ASTN2: variants seen among roughly 807,000 people sequenced by gnomAD.
The protein encoded by ASTN2 is astrotactin-2.
In ASTN2, 54 loss-of-function variants were observed where a neutral mutation model predicts 139.8. That is an observed-to-expected ratio of 0.39 (90% CI 0.31 to 0.48). The LOEUF (loss-of-function observed/expected upper bound fraction) is 0.48. Ranked by LOEUF, ASTN2 falls within the 20% of genes least tolerant of loss-of-function variation. The pLI is 0.95. For synonymous variants in ASTN2, 756 were observed against 719.5 expected, an observed-to-expected ratio of 1.05 and a Z score of -0.81; for missense variants, 1,565 against 1,725.1, an observed-to-expected ratio of 0.91 and a Z score of 1.64.
intron 7 of ASTN2, 84 bp downstream of exon 7, chr9:117,008,008 G>T (rs1035232575): frequency 2.2e-6 from 3 of 1,391,920 alleles, no homozygotes; most frequent in Non-Finnish European, 2.8e-6. Context: ...CAGAATCCAT[G>T]GTTCTTTAGG....
At chr9:116,464,093 A>G (rs186439966) in intron 20 of ASTN2, among the ~76,000 whole-genome samples, 12 of 152,144 alleles carry the variant, frequency 7.9e-5, no homozygotes, top group Non-Finnish European at 5.9e-5. Flanking sequence ...GCAGAGGAGT[A>G]TTAAAGATAT....
chr9:116,983,080 A>C (rs1050715142), intron 7 of ASTN2, among the ~76,000 whole-genome samples: 3 of 152,128 alleles, frequency 2.0e-5, no homozygotes, highest in Admixed American at 6.5e-5. Flanking sequence ...CTCAGTCATC[A>C]CTTATCATCA....
intron 1 of ASTN2, among the ~76,000 whole-genome samples, chr9:117,362,921 G>C (rs947922247): frequency 1.9e-4 from 29 of 152,092 alleles, no homozygotes; most frequent in Admixed American, 1.3e-4. Flanking sequence ...AGCCTGCTCT[G>C]CTCCCTAGAA....
At chr9:116,606,766 A>C (rs1379677593) in intron 19 of ASTN2, among the ~76,000 whole-genome samples, 2 of 152,158 alleles carry the variant, frequency 1.3e-5, no homozygotes, top group African/African-American at 4.8e-5. Flanking sequence ...CTGTGCTGGA[A>C]TTAACCCTTA....
intron 10 of ASTN2, among the ~76,000 whole-genome samples, chr9:116,935,871 A>G (rs1191958779): frequency 1.3e-5 from 2 of 152,216 alleles, no homozygotes; most frequent in Admixed American, 6.5e-5. Flanking sequence ...TCAGCCCACT[A>G]AATTTAATCT....
chr9:117,275,300 C>T (rs956854141), intron 2 of ASTN2, among the ~76,000 whole-genome samples: 13 of 152,112 alleles, frequency 8.5e-5, no homozygotes, highest in Non-Finnish European at 1.9e-4. Context: ...ATTTTTTTTA[C>T]AGAAACACCT....
At chr9:117,226,613 G>GT (rs72195176) in intron 2 of ASTN2, among the ~76,000 whole-genome samples, 7 of 146,422 alleles carry the variant, frequency 4.8e-5, no homozygotes, top group African/African-American at 1.7e-4. Context: ...TTGTTTGTTT[G>GT]TTTTTTTAAC....
chr9:116,666,899 C>T (rs1237987525), intron 16 of ASTN2, among the ~76,000 whole-genome samples: 3 of 150,872 alleles, frequency 2.0e-5, no homozygotes, highest in African/African-American at 7.3e-5. Context: ...TAAAAGAACA[C>T]CATATAGACA....
At chr9:116,764,526 G>C (rs1829756249) in intron 13 of ASTN2, among the ~76,000 whole-genome samples, 1 of 152,098 alleles carries the variant, frequency 6.6e-6, no homozygotes, top group African/African-American at 2.4e-5. Flanking sequence ...CTCAGATTCT[G>C]TTTTCTTAGC....
intron 16 of ASTN2, among the ~76,000 whole-genome samples, chr9:116,692,135 CCAA>C (rs1001841602): frequency 3.3e-5 from 5 of 152,138 alleles, no homozygotes; most frequent in Non-Finnish European, 7.3e-5. Context: ...GCCTAAGCCA[CCAA>C]AGGCTGATAT....
intron 19 of ASTN2, among the ~76,000 whole-genome samples, chr9:116,606,179 C>T (rs893011580): frequency 6.6e-6 from 1 of 152,118 alleles, no homozygotes; most frequent in South Asian, 2.1e-4. Flanking sequence ...CCACCCCCCA[C>T]AACAAGCCCC....
At chr9:117,010,513 T>C (rs1050094037) in intron 6 of ASTN2, among the ~76,000 whole-genome samples, 1 of 152,142 alleles carries the variant, frequency 6.6e-6, no homozygotes, top group African/African-American at 2.4e-5. Flanking sequence ...AGGTAAGAGT[T>C]CATATCCTCA....
chr9:116,772,847 A>AG (rs1296613113), intron 13 of ASTN2, among the ~76,000 whole-genome samples: 17 of 152,192 alleles, frequency 1.1e-4, no homozygotes, highest in African/African-American at 4.1e-4. Flanking sequence ...GTCAGAGCTC[A>AG]GGGGGCTTAG....
chr9:116,687,750 A>C (rs1860343245), intron 16 of ASTN2, among the ~76,000 whole-genome samples: 1 of 151,912 alleles, frequency 6.6e-6, no homozygotes, highest in Non-Finnish European at 1.5e-5. Context: ...CTGGGTGCAG[A>C]ATTTCAGAAA....
chr9:116,671,418 A>G (rs2131988504), intron 16 of ASTN2, among the ~76,000 whole-genome samples: 1 of 152,232 alleles, frequency 6.6e-6, no homozygotes, highest in East Asian at 1.9e-4. Context: ...TGGAGATTAG[A>G]GTCAGAATTT....
At chr9:116,498,693 T>A (rs773409302) in intron 19 of ASTN2, among the ~76,000 whole-genome samples, 1 of 152,048 alleles carries the variant, frequency 6.6e-6, no homozygotes, top group Non-Finnish European at 1.5e-5. Flanking sequence ...CAAAACATGA[T>A]GTATATGTCA....
In ASTN2 at chr9:116,789,236, C is replaced by A. The variant is rs542578339; in HGVS notation, c.2396+16396G>T. ...AAGCATCAAAAAGAAAGGGAAGCAG[C>A]CTCAAGGTCACTGGGAACTCAGTAA... On this transcript the variant is annotated intron_variant, in intron 13 of 22. Coordinates refer to ENST00000313400, the MANE Select transcript of ASTN2 (RefSeq NM_001365068.1). 1.3e-3 allele frequency among the ~76,000 whole-genome samples: 201 copies of A among 152,292 alleles called. 1 individual carries two copies. The highest frequency in any genetic ancestry group is 2.0e-3 in the Non-Finnish European group (137 of 68,016).
At position 116,440,640 on chromosome 9, in the gene ASTN2, C is replaced by G; in HGVS notation, c.3751G>C (p.Val1251Leu). Residue 1251 changes from valine to leucine, a missense_variant, in exon 22 of 23, where the codon GTC (valine) becomes CTC (leucine). Physicochemically the swap from Val to Leu is conservative, Grantham distance 32. Around this residue, in one of 4 missense-constraint regions of ASTN2, gnomAD observed 418 missense variants for 465.8 expected, o/e 0.90. Transcript: ENST00000313400. ...NSHYEKFGDFVWRSEDELGPR... is the reference protein window; with the variant it reads ...NSHYEKFGDFLWRSEDELGPR... ...CCCAGCTCATCCTCACTTCTCCAGA[C>G]GAAGTCGCCAAACTTTTCATAGTGA... 6.2e-7 allele frequency: 1 copy of G among 1,613,904 alleles called. No individual in the cohort carries two copies. Among genetic ancestry groups the G allele is most frequent in the South Asian group, 1.1e-5 (1 of 91,064 alleles).
At chr9:117,190,224 G>A (rs1831309695) in intron 3 of ASTN2, among the ~76,000 whole-genome samples, 1 of 152,130 alleles carries the variant, frequency 6.6e-6, no homozygotes, top group Non-Finnish European at 1.5e-5. Flanking sequence ...CACCAAGTGA[G>A]GCAGAAATGT....
Sources: allele counts gnomAD v4.1 joint callset (sites outside exome capture counted in the v4.1 genomes callset), GRCh38; gene constraint gnomAD v4.1.1; regional missense constraint gnomAD v4.1.1; transcripts MANE v1.5; gene names NCBI Gene and HGNC (gene_info 2026-07-23, HGNC 2026-07-21).